The following WWOX variants were observed in gnomAD, a reference collection of about 807,000 sequenced individuals.
WWOX encodes the protein WW domain containing oxidoreductase.
A neutral mutation model predicts 46.2 loss-of-function variants in WWOX; 69 were observed. That is an observed-to-expected ratio of 1.49 (90% CI 1.23 to 1.82). WWOX has a LOEUF of 1.82. Among genes scored for constraint, WWOX ranks in the 40% most tolerant of loss-of-function variants. The pLI is 0.00. For synonymous variants in WWOX, 359 were observed against 202.6 expected, an observed-to-expected ratio of 1.77 and a Z score of -6.56; for missense variants, 919 against 542.6, an observed-to-expected ratio of 1.69 and a Z score of -6.89.
At chr16:78,889,062 A>C (rs1009514538) in intron 8 of WWOX, among the ~76,000 whole-genome samples, 14 of 152,026 alleles carry the variant, frequency 9.2e-5, no homozygotes, top group African/African-American at 3.4e-4. Context: ...TTTTACAAGA[A>C]GATGTCTCTC....
chr16:78,677,705 G>T (rs1426517692), intron 8 of WWOX, among the ~76,000 whole-genome samples: 2 of 152,154 alleles, frequency 1.3e-5, no homozygotes, highest in African/African-American at 2.4e-5. Flanking sequence ...ATGAACTCAG[G>T]TCTATAAAGC....
In WWOX at chr16:78,321,350, G is replaced by GTA. The variant is rs1555519168; in HGVS notation, c.517-65504_517-65503dup. On this transcript the variant is annotated intron_variant, in intron 5 of 8. Coordinates refer to ENST00000566780, the MANE Select transcript of WWOX (RefSeq NM_016373.4). Reference sequence around the variant, plus strand: ...TACGTATATATGCGTATATATATACGTATATATGCGTATATATATACGTAT... The same window carrying GTA: ...TACGTATATATGCGTATATATATACGTATATATATGCGTATATATATACGTAT... Among the ~76,000 whole-genome samples the GTA allele has an allele frequency of 1.7e-3, 58 of 34,670 alleles. 5 individuals are homozygous for GTA. The highest frequency in any genetic ancestry group is 0.014 in the African/African-American group (53 of 3,906). The allele number at this position is 34,670 out of a possible 152,430, so 22.7% of individuals were successfully genotyped here. A position where few individuals can be genotyped will look rare whatever the true frequency, so the allele number is the denominator to read the frequency against.
chr16:78,188,733 C>G (rs1287380319), intron 5 of WWOX, among the ~76,000 whole-genome samples: 4 of 152,078 alleles, frequency 2.6e-5, no homozygotes, highest in African/African-American at 9.7e-5. Flanking sequence ...AAGGTATTGA[C>G]AGACCCATGG....
At chr16:78,593,276 A>T (rs1381259560) in intron 8 of WWOX, among the ~76,000 whole-genome samples, 3 of 152,014 alleles carry the variant, frequency 2.0e-5, no homozygotes, top group Non-Finnish European at 4.4e-5. Flanking sequence ...CCTGGCCTCA[A>T]GCAATCCAGC....
intron 4 of WWOX, among the ~76,000 whole-genome samples, chr16:78,134,518 A>T (rs770500417): frequency 1.3e-4 from 19 of 151,816 alleles, no homozygotes; most frequent in Non-Finnish European, 2.6e-4. Flanking sequence ...TTCAGAGCAC[A>T]CCTCTGGCTT....
intron 6 of WWOX, among the ~76,000 whole-genome samples, chr16:78,420,324 A>C (rs556065218): frequency 6.6e-6 from 1 of 152,196 alleles, no homozygotes; most frequent in Admixed American, 6.5e-5. Context: ...ATGAATGTAC[A>C]TAGTAGTGAT....
intron 4 of WWOX, among the ~76,000 whole-genome samples, chr16:78,160,032 T>G (rs2034739123): frequency 6.6e-6 from 1 of 152,082 alleles, no homozygotes; most frequent in Admixed American, 6.5e-5. Flanking sequence ...CTTCTTTTTT[T>G]CTCTGTATTT....
At chr16:78,710,031 G>T (rs963111938) in intron 8 of WWOX, among the ~76,000 whole-genome samples, 1 of 152,016 alleles carries the variant, frequency 6.6e-6, no homozygotes, top group African/African-American at 2.4e-5. Context: ...GCCCCCGGCC[G>T]ATAGTTGCCT....
At chr16:78,804,590 G>C (rs531519360) in intron 8 of WWOX, among the ~76,000 whole-genome samples, 4 of 152,296 alleles carry the variant, frequency 2.6e-5, no homozygotes, top group African/African-American at 9.6e-5. Flanking sequence ...TTCATACCCA[G>C]GTCTTACACG....
At chr16:79,210,457 C>A (rs564825286) in intron 8 of WWOX, among the ~76,000 whole-genome samples, 1 of 152,138 alleles carries the variant, frequency 6.6e-6, no homozygotes, top group Non-Finnish European at 1.5e-5. Flanking sequence ...AAATGATAAG[C>A]TTTGGGTCGG....
rs111626579 is a variant in WWOX, at chr16:78,373,421, C to G, written c.517-13439C>G. ...ATGGAAGGTTGAAGTATGGGGAACCCAATTCATATGAGAAATAGCCCAGGA... is the reference window on the plus strand; with the variant it reads ...ATGGAAGGTTGAAGTATGGGGAACCGAATTCATATGAGAAATAGCCCAGGA... On this transcript the variant is annotated intron_variant, in intron 5 of 8. Coordinates refer to ENST00000566780, the MANE Select transcript of WWOX (RefSeq NM_016373.4). Among the ~76,000 whole-genome samples, 404 of 152,254 alleles carry G rather than the reference C, an allele frequency of 2.7e-3. 2 individuals are homozygous for G. The highest frequency in any genetic ancestry group is 9.4e-3 in the African/African-American group (389 of 41,538).
At chr16:78,719,122 C>T (rs1406666527) in intron 8 of WWOX, among the ~76,000 whole-genome samples, 2 of 152,176 alleles carry the variant, frequency 1.3e-5, no homozygotes, top group Non-Finnish European at 2.9e-5. Flanking sequence ...AAATCCAAGC[C>T]CATCATGTAT....
At chr16:78,956,197 G>A (rs775748603) in intron 8 of WWOX, among the ~76,000 whole-genome samples, 2 of 152,120 alleles carry the variant, frequency 1.3e-5, no homozygotes, top group Non-Finnish European at 2.9e-5. Context: ...CCAGGCTGGA[G>A]TGCAGTGGCA....
intron 8 of WWOX, among the ~76,000 whole-genome samples, chr16:79,163,063 G>A (rs924663081): frequency 6.6e-6 from 1 of 152,188 alleles, no homozygotes; most frequent in Non-Finnish European, 1.5e-5. Flanking sequence ...AAACACACAG[G>A]ATGAGGCCTC....
chr16:78,518,156 C>T (rs1321843153), intron 8 of WWOX, among the ~76,000 whole-genome samples: 2 of 152,100 alleles, frequency 1.3e-5, no homozygotes. Context: ...CAGAGTCTAT[C>T]ACTGTGCTTT....
chr16:78,797,421 C>T (rs1283989898), intron 8 of WWOX, among the ~76,000 whole-genome samples: 2 of 147,752 alleles, frequency 1.4e-5, no homozygotes, highest in African/African-American at 5.1e-5. Context: ...CAGGTACGAG[C>T]TTGTAGTCAT....
chr16:78,575,028 T>TAA (rs2044827476), intron 8 of WWOX, among the ~76,000 whole-genome samples: 1 of 2,066 alleles, frequency 4.8e-4, no homozygotes, highest in African/African-American at 1.8e-3. Context: ...TATAAATATA[T>TAA]ATATATATAT....
At chr16:78,749,591 T>A (rs112774812) in intron 8 of WWOX, among the ~76,000 whole-genome samples, 62 of 152,250 alleles carry the variant, frequency 4.1e-4, no homozygotes, top group African/African-American at 1.4e-3. Flanking sequence ...GGAAAAAAAG[T>A]GGAGGATATA....
chr16:78,399,417 G>C (rs961093676), intron 6 of WWOX, among the ~76,000 whole-genome samples: 2 of 152,268 alleles, frequency 1.3e-5, no homozygotes, highest in African/African-American at 4.8e-5. Flanking sequence ...TTTCTTACAA[G>C]GAATCTATGA....
Sources: gnomAD v4.1 joint callset for allele counts (sites outside exome capture counted in the v4.1 genomes callset) on GRCh38, gnomAD v4.1.1 for gene constraint, MANE v1.5 for transcripts, NCBI Gene and HGNC (gene_info 2026-07-23, HGNC 2026-07-21) for gene names.